KCNH8: variants seen among roughly 807,000 people sequenced by gnomAD.
KCNH8 encodes the protein voltage-gated delayed rectifier potassium channel KCNH8.
Under a neutral mutation model 103.6 loss-of-function variants are expected in KCNH8, and 70 were observed. The ratio of observed to expected loss-of-function variants is 0.68; its 90% CI spans 0.56 to 0.82. The LOEUF (loss-of-function observed/expected upper bound fraction) is 0.82. KCNH8 is among the 40% of genes least tolerant of loss of function. The probability of loss-of-function intolerance (pLI) is 0.00; values close to 1 mark genes in which losing one functional copy is unlikely to be tolerated. For synonymous variants in KCNH8, 498 were observed against 489.4 expected (o/e 1.02, Z -0.23); for missense variants, 1,217 against 1,329.9 (o/e 0.92, Z 1.32).
intron 1 of KCNH8, among the ~76,000 whole-genome samples, chr3:19,220,696 A>G (rs1208906612): frequency 6.6e-6 from 1 of 152,118 alleles, no homozygotes; most frequent in Non-Finnish European, 1.5e-5. Context: ...AGCACATATG[A>G]TCCCTCAATC....
At chr3:19,428,989 A>G (rs563697552) in intron 7 of KCNH8, among the ~76,000 whole-genome samples, 92 of 152,172 alleles carry the variant, frequency 6.0e-4, no homozygotes, top group Middle Eastern at 3.4e-3. Flanking sequence ...TCTCTCTCAG[A>G]CAACGTCATT....
chr3:19,327,788 A>G (rs1321780520), intron 3 of KCNH8, among the ~76,000 whole-genome samples: 2 of 152,192 alleles, frequency 1.3e-5, no homozygotes, highest in Non-Finnish European at 2.9e-5. Context: ...TTAGAAACAT[A>G]TAGACCTCCA....
chr3:19,390,857 A>T (rs1443385060), intron 6 of KCNH8, among the ~76,000 whole-genome samples: 1 of 152,110 alleles, frequency 6.6e-6, no homozygotes, highest in Admixed American at 6.6e-5. Flanking sequence ...CAATACCTGG[A>T]GCCAGGAAAC....
In KCNH8 at chr3:19,533,649, T is replaced by C; in HGVS notation, c.2874T>C (p.Ile958=). The C allele has an allele frequency of 2.5e-6, 4 of 1,614,182 alleles. No homozygotes were observed. Among genetic ancestry groups the C allele is most frequent in the Non-Finnish European group, 2.5e-6 (3 of 1,180,024 alleles). The change falls in exon 16 of 16, where the codon ATT becomes ATC. Residue 958 remains isoleucine (I), a synonymous_variant. Coordinates refer to ENST00000328405, the MANE Select transcript of KCNH8 (RefSeq NM_144633.3). Reference sequence around the variant, plus strand: ...GTAGCAGTAATATCACCTCAGACATTTGGAGTGTGGATCCCTCCTCTGTGG... The same window carrying C: ...GTAGCAGTAATATCACCTCAGACATCTGGAGTGTGGATCCCTCCTCTGTGG... ...QLCSSNITSD[I]WSVDPSSVGS...
At chr3:19,165,095 TATAC>T (rs1032336450) in intron 1 of KCNH8, among the ~76,000 whole-genome samples, 30 of 152,208 alleles carry the variant, frequency 2.0e-4, no homozygotes, top group Admixed American at 6.5e-5. Flanking sequence ...GTTTTGGGCT[TATAC>T]ATCTGTTAAA....
chr3:19,273,473 C>T (rs1447931810), intron 2 of KCNH8, among the ~76,000 whole-genome samples: 1 of 152,084 alleles, frequency 6.6e-6, no homozygotes, highest in Non-Finnish European at 1.5e-5. Context: ...AAGATAGAGC[C>T]ATAAGTCAGA....
chr3:19,157,812 T>C (rs926230923), intron 1 of KCNH8, among the ~76,000 whole-genome samples: 6 of 151,926 alleles, frequency 3.9e-5, no homozygotes, highest in African/African-American at 7.2e-5. Flanking sequence ...TTGTTGTTTT[T>C]CCCTTTTTTG....
intron 11 of KCNH8, among the ~76,000 whole-genome samples, chr3:19,507,012 G>A (rs190062150): frequency 2.4e-4 from 37 of 152,248 alleles, no homozygotes; most frequent in Non-Finnish European, 4.7e-4. Flanking sequence ...ATGGGAGTGG[G>A]CCTTCAATTG....
chr3:19,438,047 T>A, intron 7 of KCNH8, 117 bp from the exon 8 acceptor site: 1 of 789,448 alleles, frequency 1.3e-6, no homozygotes, highest in Non-Finnish European at 2.1e-6. Context: ...CTTTTTACCT[T>A]CTTCTTCCTC....
intron 5 of KCNH8, among the ~76,000 whole-genome samples, chr3:19,388,477 C>T (rs1226521744): frequency 3.9e-5 from 6 of 152,176 alleles, no homozygotes; most frequent in Admixed American, 6.5e-5. Flanking sequence ...GCCATGCTTC[C>T]GTGGTCCATC....
In KCNH8 at chr3:19,395,159, T is replaced by G. The variant is rs370083901; in HGVS notation, c.1025T>G (p.Leu342Arg). The G allele has an allele frequency of 1.9e-6, 3 of 1,611,250 alleles. No individual in the cohort carries two copies. Among genetic ancestry groups the G allele is most frequent in the Non-Finnish European group, 2.5e-6 (3 of 1,178,696 alleles). ...CGCCTCTTGCGTCTTTTGCGTCTGC[T>G]GCAGAAGTTAGACCGCTATTCCCAA... The part of the protein sequence containing the change: ...TVRLLRLLRL[L>R]QKLDRYSQHS... The change falls in exon 7 of 16, where the codon CTG (leucine) becomes CGG (arginine). Residue 342 changes from leucine to arginine, a missense_variant. By Grantham distance (102) the Leu-to-Arg change is moderately radical. This residue lies in a region of KCNH8 where 415 missense variants were observed against 577.4 expected (regional missense o/e 0.72). Transcript: ENST00000328405.
chr3:19,480,150 CTGGGCCACTGT>C (rs1196842205), intron 11 of KCNH8, among the ~76,000 whole-genome samples: 4 of 152,180 alleles, frequency 2.6e-5, no homozygotes, highest in African/African-American at 9.7e-5. Flanking sequence ...CCTATCTTCC[CTGGGCCACTGT>C]TGTACTAGAT....
rs534908386 is a variant in KCNH8 at position 19,224,996 on chromosome 3, G to A, written c.77-28658G>A. On this transcript the variant is annotated intron_variant, in intron 1 of 15. Coordinates refer to ENST00000328405, the MANE Select transcript of KCNH8 (RefSeq NM_144633.3). ...AGAGGAAAGAAAAACAGAGGCAACC[G>A]TGATGAAGACTGAGAAAGAAAAAGG... 9.2e-5 allele frequency among the ~76,000 whole-genome samples: 14 copies of A among 152,164 alleles called. No individual in the cohort carries two copies. The East Asian group carries it at 1.8e-3, about 19-fold the overall frequency.
intron 1 of KCNH8, among the ~76,000 whole-genome samples, chr3:19,181,328 A>T (rs1026895573): frequency 2.6e-5 from 4 of 152,158 alleles, no homozygotes; most frequent in Admixed American, 2.6e-4. Flanking sequence ...AGTTAGAAAA[A>T]GAAAAATGGA....
At chr3:19,287,305 A>G (rs908212759) in intron 3 of KCNH8, among the ~76,000 whole-genome samples, 1 of 152,178 alleles carries the variant, frequency 6.6e-6, no homozygotes, top group Non-Finnish European at 1.5e-5. Flanking sequence ...TCATAGAGAA[A>G]TTAAGTCAGA....
chr3:19,451,119 C>G lies in KCNH8; in HGVS notation c.1576-36C>G, dbSNP rs1275331901. ...AAGTAAATCAGTTAGACTACACTTACCCCAATTTGATTTCCTCCTTCATCT... is the reference window on the plus strand; with the variant it reads ...AAGTAAATCAGTTAGACTACACTTAGCCCAATTTGATTTCCTCCTTCATCT... On this transcript the variant is annotated intron_variant, in intron 9 of 15. Coordinates refer to ENST00000328405, the MANE Select transcript of KCNH8 (RefSeq NM_144633.3). The G allele has an allele frequency of 3.1e-6, 5 of 1,609,152 alleles. No individual in the cohort carries two copies. In the Admixed American group the frequency reaches 6.7e-5, roughly 21 times the overall value.
At chr3:19,509,848 C>G (rs1314109071) in intron 11 of KCNH8, among the ~76,000 whole-genome samples, 2 of 151,846 alleles carry the variant, frequency 1.3e-5, no homozygotes, top group African/African-American at 2.4e-5. Context: ...TGCCTATGAG[C>G]GTTCAGGCAA....
chr3:19,189,133 T>A (rs977425748), intron 1 of KCNH8, among the ~76,000 whole-genome samples: 1 of 152,076 alleles, frequency 6.6e-6, no homozygotes, highest in South Asian at 2.1e-4. Flanking sequence ...AGGTGTCTGG[T>A]TGAAGAAACA....
intron 1 of KCNH8, among the ~76,000 whole-genome samples, chr3:19,198,044 T>C (rs75592483): frequency 1.3e-5 from 2 of 152,072 alleles, no homozygotes; most frequent in African/African-American, 2.4e-5. Context: ...GATTAAGGAC[T>C]GCTGCAATAA....
Sources: allele counts gnomAD v4.1 joint callset (sites outside exome capture counted in the v4.1 genomes callset), GRCh38; gene constraint gnomAD v4.1.1; regional missense constraint gnomAD v4.1.1; transcripts MANE v1.5; gene names NCBI Gene and HGNC (gene_info 2026-07-23, HGNC 2026-07-21).